CSMD1: variants seen among roughly 807,000 people sequenced by gnomAD.
CSMD1 encodes the protein CUB and Sushi multiple domains 1, also known as CUB and sushi domain-containing protein 1.
In CSMD1, 213 loss-of-function variants were observed where a neutral mutation model predicts 417.5. The observed-to-expected ratio is 0.51, with a 90% confidence interval of 0.46 to 0.57. CSMD1 has a LOEUF of 0.57. Ranked by LOEUF, CSMD1 falls within the 20% of genes least tolerant of loss-of-function variation. The pLI is 0.00. For synonymous variants in CSMD1, 2,862 were observed against 1,736.8 expected (o/e 1.65, Z -16.11); for missense variants, 6,923 against 4,529.7 (o/e 1.53, Z -15.17).
At chr8:3,711,156 G>A (rs1801485203) in intron 6 of CSMD1, among the ~76,000 whole-genome samples, 2 of 152,196 alleles carry the variant, frequency 1.3e-5, no homozygotes, top group Admixed American at 1.3e-4. Context: ...GTAAGAGGGA[G>A]AAACGAGAGA....
intron 3 of CSMD1, among the ~76,000 whole-genome samples, chr8:4,380,191 G>C (rs1803011972): frequency 6.6e-6 from 1 of 152,150 alleles, no homozygotes; most frequent in Non-Finnish European, 1.5e-5. Context: ...AGGGCTCCCA[G>C]TTACTTCTTT....
intron 2 of CSMD1, among the ~76,000 whole-genome samples, chr8:4,424,898 G>A (rs1446734045): frequency 3.3e-5 from 5 of 151,944 alleles, no homozygotes; most frequent in Non-Finnish European, 1.5e-5. Context: ...AATCTATAAT[G>A]ATCTCACATT....
At chr8:4,169,261 G>T (rs1249040228) in intron 3 of CSMD1, among the ~76,000 whole-genome samples, 3 of 152,122 alleles carry the variant, frequency 2.0e-5, no homozygotes, top group African/African-American at 7.2e-5. Flanking sequence ...GATGTCTGAT[G>T]GGTGCCTCAA....
chr8:4,139,871 G>C (rs762716938), intron 3 of CSMD1, among the ~76,000 whole-genome samples: 1 of 150,914 alleles, frequency 6.6e-6, no homozygotes, highest in Non-Finnish European at 1.5e-5. Flanking sequence ...TTTTAGATCA[G>C]CATGTTCATC....
chr8:4,424,106 G>T (rs1017746305), intron 2 of CSMD1, among the ~76,000 whole-genome samples: 1 of 151,892 alleles, frequency 6.6e-6, no homozygotes, highest in African/African-American at 2.4e-5. Flanking sequence ...GAAAAAAATA[G>T]GGGAAAGGCT....
At chr8:3,893,269 A>G (rs938776218) in intron 5 of CSMD1, among the ~76,000 whole-genome samples, 6 of 146,330 alleles carry the variant, frequency 4.1e-5, no homozygotes, top group Non-Finnish European at 9.0e-5. Context: ...TTTAGCCTAT[A>G]AAACAAGTAA....
intron 2 of CSMD1, among the ~76,000 whole-genome samples, chr8:4,536,621 G>C (rs572915359): frequency 8.5e-4 from 130 of 152,302 alleles, no homozygotes; most frequent in African/African-American, 3.0e-3. Flanking sequence ...TGGATACTGA[G>C]AATAGGTACA....
intron 3 of CSMD1, among the ~76,000 whole-genome samples, chr8:4,195,020 C>CT (rs1799249578): frequency 6.6e-6 from 1 of 152,094 alleles, no homozygotes; most frequent in South Asian, 2.1e-4. Context: ...CACATTGTAA[C>CT]TTTTTTCACT....
chr8:3,218,290 G>A (rs550536061), intron 29 of CSMD1, among the ~76,000 whole-genome samples: 28 of 152,274 alleles, frequency 1.8e-4, no homozygotes, highest in East Asian at 7.7e-4. Flanking sequence ...GGCCGGGCGC[G>A]GTGGCTCACG....
At chr8:4,386,966 G>A (rs997591043) in intron 3 of CSMD1, among the ~76,000 whole-genome samples, 5 of 152,262 alleles carry the variant, frequency 3.3e-5, no homozygotes, top group Non-Finnish European at 7.3e-5. Flanking sequence ...AATATGTTAC[G>A]ATTATCTATT....
chr8:4,758,395 T>G (rs1041956350), intron 1 of CSMD1, among the ~76,000 whole-genome samples: 7 of 152,154 alleles, frequency 4.6e-5, no homozygotes, highest in African/African-American at 1.7e-4. Flanking sequence ...CCTGGTAGAA[T>G]GAGCAAGGCC....
chr8:4,836,946 T>G (rs370498211), intron 1 of CSMD1, among the ~76,000 whole-genome samples: 1 of 152,226 alleles, frequency 6.6e-6, no homozygotes, highest in Middle Eastern at 3.4e-3. Context: ...TCCATGGCTG[T>G]TGAAAGGAAA....
chr8:4,931,659 A>C (rs2117193028), intron 1 of CSMD1, among the ~76,000 whole-genome samples: 1 of 152,334 alleles, frequency 6.6e-6, no homozygotes, highest in African/African-American at 2.4e-5. Flanking sequence ...AAGGGATTAG[A>C]TACCTATTTG....
intron 6 of CSMD1, among the ~76,000 whole-genome samples, chr8:3,710,210 T>C (rs1801430584): frequency 6.6e-6 from 1 of 152,154 alleles, no homozygotes. Context: ...AAAATGCTTC[T>C]ATACATTCAT....
chr8:4,689,645 G>C (rs1806633638), intron 1 of CSMD1, among the ~76,000 whole-genome samples: 1 of 152,162 alleles, frequency 6.6e-6, no homozygotes, highest in Non-Finnish European at 1.5e-5. Context: ...GACAAAGACT[G>C]TATCTGAGGC....
At chr8:3,389,007 GCT>G (rs1174816950) in intron 17 of CSMD1, among the ~76,000 whole-genome samples, 1 of 151,700 alleles carries the variant, frequency 6.6e-6, no homozygotes, top group Non-Finnish European at 1.5e-5. Context: ...TGCATTATTG[GCT>G]CCAAATGAAC....
chr8:3,486,835 G>C (rs1818065336), intron 11 of CSMD1, among the ~76,000 whole-genome samples: 1 of 152,190 alleles, frequency 6.6e-6, no homozygotes, highest in Non-Finnish European at 1.5e-5. Flanking sequence ...AAGCCCAGTG[G>C]TTTGTTTATC....
intron 1 of CSMD1, among the ~76,000 whole-genome samples, chr8:4,646,169 C>T (rs991310122): frequency 1.3e-5 from 2 of 152,176 alleles, no homozygotes; most frequent in African/African-American, 4.8e-5. Flanking sequence ...AGAAACATAG[C>T]ACCCATTGCC....
intron 26 of CSMD1, among the ~76,000 whole-genome samples, chr8:3,249,042 A>T (rs376975903): frequency 1.2e-4 from 19 of 152,178 alleles, no homozygotes; most frequent in African/African-American, 4.6e-4. Context: ...TAAACCAAGT[A>T]GCTTCACAGT....
Sources: gnomAD v4.1 joint callset for allele counts (sites outside exome capture counted in the v4.1 genomes callset) on GRCh38, gnomAD v4.1.1 for gene constraint, MANE v1.5 for transcripts, NCBI Gene and HGNC (gene_info 2026-07-23, HGNC 2026-07-21) for gene names.